Variants in SLC30A6 observed in about 807,000 individuals in gnomAD.
The protein encoded by SLC30A6 is zinc transporter 6.
Under a neutral mutation model 63.0 loss-of-function variants are expected in SLC30A6, and 55 were observed. The ratio of observed to expected loss-of-function variants is 0.87; its 90% CI spans 0.70 to 1.09. The LOEUF is 1.09. Among genes scored for constraint, SLC30A6 ranks in the 50% least tolerant of loss-of-function variants. The pLI is 0.00. For missense variants in SLC30A6, 587 were observed against 549.2 expected (o/e 1.07, Z -0.69); for synonymous variants, 224 against 186.1 (o/e 1.20, Z -1.66).
chr2:32,210,750 A>G (rs1558422857), intron 13 of SLC30A6, among the ~76,000 whole-genome samples: 1 of 152,220 alleles, frequency 6.6e-6, no homozygotes, highest in East Asian at 1.9e-4. Flanking sequence ...TGCAGTCTTT[A>G]GTTTCAGGCT....
At position 32,219,314 on chromosome 2, in the gene SLC30A6, G is replaced by C. The variant is rs537521662; in HGVS notation, c.886-899G>C. On this transcript the variant is annotated intron_variant, in intron 13 of 13. Coordinates refer to ENST00000282587, the MANE Select transcript of SLC30A6 (RefSeq NM_017964.5). Reference sequence around the variant, plus strand: ...GCCTCCCAAAGTGCTGGGATTACAGGCGTGAGTCACCACACCCAGCCCTTT... The same window carrying C: ...GCCTCCCAAAGTGCTGGGATTACAGCCGTGAGTCACCACACCCAGCCCTTT... Among the ~76,000 whole-genome samples, 8 of 151,360 alleles carry C rather than the reference G, an allele frequency of 5.3e-5. No individual in the cohort carries two copies. In the East Asian group the frequency reaches 1.6e-3, roughly 30 times the overall value.
intron 2 of SLC30A6, among the ~76,000 whole-genome samples, chr2:32,173,811 C>G (rs1343599312): frequency 6.6e-6 from 1 of 152,148 alleles, no homozygotes; most frequent in Non-Finnish European, 1.5e-5. Context: ...TTTTTCTCAA[C>G]TATTTGAGAA....
chr2:32,166,871 T>C (rs1680708526), intron 1 of SLC30A6, among the ~76,000 whole-genome samples: 1 of 152,220 alleles, frequency 6.6e-6, no homozygotes, highest in Non-Finnish European at 1.5e-5. Flanking sequence ...TGGCTAATGA[T>C]CAAATAGCCT....
chr2:32,198,543 A>G (rs186163616), intron 10 of SLC30A6, among the ~76,000 whole-genome samples: 3 of 152,316 alleles, frequency 2.0e-5, no homozygotes. Context: ...ATTTATGCCA[A>G]TGCATTCTTA....
In SLC30A6 at chr2:32,182,969, A is replaced by T. The variant is rs535643403; in HGVS notation, c.219-1304A>T. ...TTTGGGAGGCCGAGGTGGGTGGATC[A>T]CAAGGTCAGGAGTTCCTGACCAGCC... is the stretch of plus-strand genomic sequence containing the variant. On this transcript the variant is annotated intron_variant, in intron 4 of 13. Transcript: ENST00000282587. Among the ~76,000 whole-genome samples the T allele has an allele frequency of 1.6e-4, 24 of 152,242 alleles. No individual in the cohort carries two copies. In the South Asian group the frequency reaches 4.2e-3, roughly 26 times the overall value.
intron 4 of SLC30A6, chr2:32,177,637 A>T (rs1335145994): frequency 1.2e-5 from 2 of 160,848 alleles, no homozygotes; most frequent in Non-Finnish European, 2.8e-5. Flanking sequence ...TTGCTCTTAC[A>T]ATTAGGTCTT....
rs76005794 is a variant in SLC30A6, at chr2:32,179,041, G to A, written c.218+3680G>A. Reference sequence around the variant, plus strand: ...CACCTGCCTAATTTTTTGATATTTTGTAGAAATGAGGTCTTCTTATGTTGC... The same window carrying A: ...CACCTGCCTAATTTTTTGATATTTTATAGAAATGAGGTCTTCTTATGTTGC... On this transcript the variant is annotated intron_variant, in intron 4 of 13. Transcript: ENST00000282587. 1.2e-4 allele frequency among the ~76,000 whole-genome samples: 19 copies of A among 152,164 alleles called. 1 individual carries two copies. The East Asian group carries it at 1.4e-3, about 11-fold the overall frequency.
intron 10 of SLC30A6, chr2:32,202,647 A>G (rs934638799): frequency 1.7e-6 from 1 of 587,256 alleles, no homozygotes; most frequent in Non-Finnish European, 3.2e-6. Context: ...GGATCTTTCT[A>G]AACTGTGCCA....
At chr2:32,177,034 A>G (rs546443294) in intron 4 of SLC30A6, among the ~76,000 whole-genome samples, 13 of 152,020 alleles carry the variant, frequency 8.6e-5, no homozygotes, top group Admixed American at 5.2e-4. Context: ...TGGCCTCCCA[A>G]AGTGTTGGGA....
At chr2:32,181,711 C>A (rs1266548727) in intron 4 of SLC30A6, among the ~76,000 whole-genome samples, 4 of 151,752 alleles carry the variant, frequency 2.6e-5, no homozygotes, top group African/African-American at 7.3e-5. Flanking sequence ...TACTAAAATA[C>A]CAAAAAATGA....
In SLC30A6 at chr2:32,217,058, T is replaced by G. The variant is rs537921214; in HGVS notation, c.886-3155T>G. Among the ~76,000 whole-genome samples the G allele has an allele frequency of 7.2e-5, 11 of 151,928 alleles. No individual in the cohort carries two copies. In the East Asian group the frequency reaches 2.1e-3, roughly 29 times the overall value. ...CATTTGCCACCACGCCCGGCAAATT[T>G]TTTTTTTTTTTTCCATTTTTGTAGA... On this transcript the variant is annotated intron_variant, in intron 13 of 13. Coordinates refer to ENST00000282587, the MANE Select transcript of SLC30A6 (RefSeq NM_017964.5).
At chr2:32,199,171 T>C (rs925051586) in intron 10 of SLC30A6, among the ~76,000 whole-genome samples, 2 of 152,246 alleles carry the variant, frequency 1.3e-5, no homozygotes, top group Admixed American at 1.3e-4. Context: ...TTCCTTCCTT[T>C]TTAATTGGAA....
intron 2 of SLC30A6, among the ~76,000 whole-genome samples, chr2:32,172,647 C>T (rs908513896): frequency 1.3e-5 from 2 of 152,164 alleles, no homozygotes; most frequent in Non-Finnish European, 2.9e-5. Flanking sequence ...CTGAATGTAA[C>T]CTGAGAGAAA....
intron 10 of SLC30A6, chr2:32,203,158 A>G (rs930166897): frequency 2.4e-6 from 3 of 1,255,070 alleles, no homozygotes; most frequent in African/African-American, 2.9e-5. Context: ...TGTGGTTTGG[A>G]CATTCCTGAA....
chr2:32,200,755 T>A (rs2148873596), intron 10 of SLC30A6, among the ~76,000 whole-genome samples: 1 of 152,292 alleles, frequency 6.6e-6, no homozygotes, highest in African/African-American at 2.4e-5. Context: ...CTTGTTTGTC[T>A]GTTGACCTTC....
chr2:32,175,755 C>T (rs539584213), intron 4 of SLC30A6, among the ~76,000 whole-genome samples: 1 of 152,258 alleles, frequency 6.6e-6, no homozygotes, highest in South Asian at 2.1e-4. Context: ...GCGGGTGGAT[C>T]ACTTGAGGTC....
At chr2:32,180,574 A>G (rs1682215058) in intron 4 of SLC30A6, among the ~76,000 whole-genome samples, 1 of 152,018 alleles carries the variant, frequency 6.6e-6, no homozygotes, top group Admixed American at 6.6e-5. Context: ...CTGGGATTAC[A>G]GGCACCCACC....
At chr2:32,216,378 A>G (rs1173558190) in intron 13 of SLC30A6, among the ~76,000 whole-genome samples, 1 of 152,090 alleles carries the variant, frequency 6.6e-6, no homozygotes, top group Non-Finnish European at 1.5e-5. Flanking sequence ...TCTACTAAAA[A>G]TACTAAAATT....
chr2:32,170,317 T>C (rs1410071495), intron 1 of SLC30A6, among the ~76,000 whole-genome samples: 3 of 152,372 alleles, frequency 2.0e-5, no homozygotes, highest in Middle Eastern at 3.4e-3. Flanking sequence ...GACTGGCTTA[T>C]ATTTTCTCCC....
Sources: gnomAD v4.1 joint callset for allele counts (sites outside exome capture counted in the v4.1 genomes callset) on GRCh38, gnomAD v4.1.1 for gene constraint, MANE v1.5 for transcripts, NCBI Gene and HGNC (gene_info 2026-07-23, HGNC 2026-07-21) for gene names.